The following RNF212 variants were observed in gnomAD, a reference collection of about 807,000 sequenced individuals.
RNF212 encodes the protein ring finger protein 212.
RNF212 carries 33 observed loss-of-function variants against 34.7 expected under a neutral mutation model. The ratio of observed to expected loss-of-function variants is 0.95; its 90% CI spans 0.72 to 1.27. The LOEUF is 1.27. Ranked by LOEUF, RNF212 falls within the 50% of genes most tolerant of loss-of-function variation. RNF212 has a pLI of 0.00. For synonymous variants in RNF212, 140 were observed against 136.1 expected, an observed-to-expected ratio of 1.03 and a Z score of -0.20; for missense variants, 377 against 362.2, an observed-to-expected ratio of 1.04 and a Z score of -0.33.
chr4:1,081,741 G>A (rs752780615), intron 5 of RNF212, 122 bp from the exon 6 acceptor site: 3 of 713,532 alleles, frequency 4.2e-6, no homozygotes, highest in East Asian at 2.7e-5. Flanking sequence ...GTTTGCAAAC[G>A]GCATTTCACA....
At chr4:1,097,520 G>C (rs1451832578) in intron 2 of RNF212, among the ~76,000 whole-genome samples, 1 of 152,094 alleles carries the variant, frequency 6.6e-6, no homozygotes, top group Non-Finnish European at 1.5e-5. Context: ...CAGGAGAATG[G>C]CATGAACCCA....
At chr4:1,111,568 G>C (rs529075508) in intron 1 of RNF212, among the ~76,000 whole-genome samples, 5 of 152,266 alleles carry the variant, frequency 3.3e-5, no homozygotes, top group East Asian at 1.9e-4. Context: ...CATGTCTGCT[G>C]AATCTACCTA....
At chr4:1,058,635 A>C (rs1335828367) in intron 3 of RNF212, among the ~76,000 whole-genome samples, 1 of 152,182 alleles carries the variant, frequency 6.6e-6, no homozygotes, top group Admixed American at 6.5e-5. Flanking sequence ...AATATCCTAC[A>C]TTTTAATCTT....
chr4:1,105,420 C>A (rs944769928), intron 2 of RNF212, among the ~76,000 whole-genome samples: 6 of 152,206 alleles, frequency 3.9e-5, no homozygotes, highest in Non-Finnish European at 7.3e-5. Context: ...TGCGTTCAAT[C>A]GTAATGGAGC....
intron 3 of RNF212, among the ~76,000 whole-genome samples, chr4:1,091,873 A>G (rs1211838207): frequency 6.6e-6 from 1 of 152,180 alleles, no homozygotes; most frequent in Non-Finnish European, 1.5e-5. Context: ...TGTCTCCACC[A>G]AGGAGGGAAG....
intron 2 of RNF212, among the ~76,000 whole-genome samples, chr4:1,097,415 T>G (rs1723233215): frequency 6.6e-6 from 1 of 151,406 alleles, no homozygotes. Context: ...CCATCCTGTC[T>G]AACACAGTGA....
At chr4:1,059,569 A>T (rs776499134) in intron 3 of RNF212, among the ~76,000 whole-genome samples, 1 of 152,092 alleles carries the variant, frequency 6.6e-6, no homozygotes, top group Non-Finnish European at 1.5e-5. Flanking sequence ...ACCCTGCCTG[A>T]TCCTCCCATG....
At position 1,072,960 on chromosome 4, in the gene RNF212, C is replaced by T. The variant is rs988769231; in HGVS notation, c.808G>A (p.Ala270Thr). 3.1e-6 allele frequency: 5 copies of T among 1,614,052 alleles called. No homozygotes were observed. The African/African-American group carries it at 5.3e-5, about 17-fold the overall frequency. ...QRAVLFPFQQ[A>T]EGTLDTFRTP... The stretch of plus-strand genomic sequence containing the variant: ...CTGAACGTGTCCAGGGTGCCCTCAG[C>T]CTGCTGGAACGGAAACAAGACGGCC... Residue 270 changes from alanine (A) to threonine (T), a missense_variant, in exon 10 of 10, where the codon GCT becomes ACT. By Grantham distance (58) the Ala-to-Thr change is moderately conservative. Coordinates refer to ENST00000433731, the MANE Select transcript of RNF212 (RefSeq NM_001131034.4).
rs78572547 is a variant in RNF212 at position 1,065,243 on chromosome 4, C to G, written n.148-6850G>C. Among the ~76,000 whole-genome samples, 9 of 152,330 alleles carry G rather than the reference C, an allele frequency of 5.9e-5. No homozygotes were observed. The East Asian group carries it at 1.7e-3, about 29-fold the overall frequency. ...CACAGCAGCCACACCATTTCACATTCTCACCAACAGTGCACATGCTTCCAA... is the reference window on the plus strand; with the variant it reads ...CACAGCAGCCACACCATTTCACATTGTCACCAACAGTGCACATGCTTCCAA... On this transcript the variant is annotated intron_variant and non_coding_transcript_variant, in intron 3 of 4. Coordinates refer to the RNF212 transcript ENST00000503206.
At chr4:1,087,694 A>T (rs1721556942) in intron 4 of RNF212, among the ~76,000 whole-genome samples, 2 of 147,622 alleles carry the variant, frequency 1.4e-5, no homozygotes, top group Admixed American at 1.4e-4. Flanking sequence ...CTCATCTCAA[A>T]TTGTAATCCC....
chr4:1,085,986 G>GCATAGCCTGTCTGAT, intron 4 of RNF212, 32 bp from the exon 5 acceptor site: 1 of 1,475,408 alleles, frequency 6.8e-7, no homozygotes, highest in Non-Finnish European at 9.5e-7. Context: ...CTTGTTATCA[G>GCATAGCCTGTCTGAT]ACAGGCTATG....
chr4:1,060,093 C>T (rs1044162991), intron 3 of RNF212, among the ~76,000 whole-genome samples: 2 of 84,024 alleles, frequency 2.4e-5, no homozygotes, highest in Non-Finnish European at 4.6e-5. Context: ...GAGCGAAACT[C>T]CATCAAAAAA....
chr4:1,103,656 C>T (rs567041841), intron 2 of RNF212, among the ~76,000 whole-genome samples: 13 of 152,056 alleles, frequency 8.5e-5, no homozygotes, highest in Admixed American at 2.6e-4. Context: ...ATGATAATCT[C>T]GACAGCTATA....
rs570822988 is a variant in RNF212 at position 1,057,099 on chromosome 4, T to G, written n.221-596A>C. 3 of 574,984 alleles carry G rather than the reference T, an allele frequency of 5.2e-6. No individual in the cohort carries two copies. The African/African-American group carries it at 6.1e-5, about 12-fold the overall frequency. The allele number at this position is 574,984 out of a possible 1,614,324, so 35.6% of individuals were successfully genotyped here. On this transcript the variant is annotated intron_variant and non_coding_transcript_variant, in intron 4 of 4. Transcript: ENST00000503206. ...TGGCCGTTTTGTGGTTTTAAAGGCC[T>G]GGATTCAAAGGCATCTCTGAGAACC...
chr4:1,098,630 G>C (rs958498854), intron 2 of RNF212, among the ~76,000 whole-genome samples: 2 of 152,188 alleles, frequency 1.3e-5, no homozygotes, highest in African/African-American at 4.8e-5. Flanking sequence ...ACAGGCATCA[G>C]GAGCTCAGAG....
At chr4:1,067,025 C>T (rs1310428208), downstream of RNF212, among the ~76,000 whole-genome samples, 1 of 152,084 alleles carries the variant, frequency 6.6e-6, no homozygotes, top group Non-Finnish European at 1.5e-5. Context: ...TCCAGTTTTC[C>T]CAACACCATT....
intron 3 of RNF212, among the ~76,000 whole-genome samples, chr4:1,059,162 C>T (rs948749398): frequency 6.6e-6 from 1 of 152,230 alleles, no homozygotes. Context: ...CGGGGGGTTG[C>T]CGGCTTGTGG....
At chr4:1,107,745 C>T (rs535140920) in intron 2 of RNF212, among the ~76,000 whole-genome samples, 17 of 152,268 alleles carry the variant, frequency 1.1e-4, no homozygotes, top group African/African-American at 3.6e-4. Context: ...CCATCACGCC[C>T]GGCAGGACTT....
chr4:1,068,080 T>C (rs1718207250), downstream of RNF212, among the ~76,000 whole-genome samples: 1 of 152,206 alleles, frequency 6.6e-6, no homozygotes, highest in African/African-American at 2.4e-5. Context: ...ATCAAAATCC[T>C]GGCAGACTTT....
Sources: allele counts gnomAD v4.1 joint callset (sites outside exome capture counted in the v4.1 genomes callset), GRCh38; gene constraint gnomAD v4.1.1; transcripts MANE v1.5; gene names NCBI Gene and HGNC (gene_info 2026-07-23, HGNC 2026-07-21).